ANKRD11: variants seen among roughly 807,000 people sequenced by gnomAD.
The protein encoded by ANKRD11 is ankyrin repeat domain-containing protein 11.
Under a neutral mutation model 195.7 loss-of-function variants are expected in ANKRD11, and 17 were observed. The ratio of observed to expected loss-of-function variants is 0.09; its 90% CI spans 0.06 to 0.13. The LOEUF (loss-of-function observed/expected upper bound fraction) is 0.13, where lower values mean the gene tolerates loss of function less well. Among genes scored for constraint, ANKRD11 ranks in the 10% least tolerant of loss-of-function variants. The probability of loss-of-function intolerance (pLI) is 1.00; values close to 1 mark genes in which losing one functional copy is unlikely to be tolerated. For synonymous variants in ANKRD11, 1,953 were observed against 1,528.1 expected (o/e 1.28, Z -6.49); for missense variants, 3,735 against 3,566.1 (o/e 1.05, Z -1.21).
chr16:89,281,161 T>G lies in ANKRD11; in HGVS notation c.5381A>C (p.Asp1794Ala). ...STNLYRSVSVDIRRTPEEEFS... is the reference protein window; with the variant it reads ...STNLYRSVSVAIRRTPEEEFS... ...TTCTTCCTCGGGGGTCCTCCTAATG[T>G]CGACAGAGACCGAGCGGTAAAGGTT... Residue 1794 changes from aspartate to alanine, a missense_variant, in exon 9 of 13, where the codon GAC becomes GCC. By Grantham distance (126) the Asp-to-Ala change is moderately radical. Coordinates refer to ENST00000301030, the MANE Select transcript of ANKRD11 (RefSeq NM_013275.6). This position sits in a 1 kb window ranked among gnomAD's most constrained non-coding sequence, Gnocchi z 5.5. 6.2e-7 allele frequency: 1 copy of G among 1,614,024 alleles called. No individual in the cohort carries two copies. Among genetic ancestry groups the G allele is most frequent in the Non-Finnish European group, 8.5e-7 (1 of 1,179,982 alleles).
chr16:89,285,429 G>A lies in ANKRD11; in HGVS notation c.1113C>T (p.Tyr371=), dbSNP rs1231697677. 3 of 1,614,042 alleles carry A rather than the reference G, an allele frequency of 1.9e-6. No individual in the cohort carries two copies. The highest frequency in any genetic ancestry group is 2.5e-6 in the Non-Finnish European group (3 of 1,180,042). Residue 371 remains tyrosine, a synonymous_variant, in exon 9 of 13, where the codon TAC becomes TAT. Coordinates refer to ENST00000301030, the MANE Select transcript of ANKRD11 (RefSeq NM_013275.6). The surrounding 1 kb of genome is among the most constrained non-coding windows in gnomAD (Gnocchi z 5.6). Reference sequence around the variant, plus strand: ...AACTATTGGATTTCGTTTCTTTTCTGTAGTCCTTTTTCAATAGGTGCTTGT... The same window carrying A: ...AACTATTGGATTTCGTTTCTTTTCTATAGTCCTTTTTCAATAGGTGCTTGT... ...VDDKHLLKKD[Y]RKETKSNSFI...
At chr16:89,321,400 G>A (rs980310677) in intron 2 of ANKRD11, among the ~76,000 whole-genome samples, 1 of 146,152 alleles carries the variant, frequency 6.8e-6, no homozygotes, top group African/African-American at 2.5e-5. Flanking sequence ...TGCAGGGCGG[G>A]ACTGTGGGGA....
intron 1 of ANKRD11, among the ~76,000 whole-genome samples, chr16:89,477,299 T>C (rs1391636428): frequency 1.3e-5 from 2 of 151,966 alleles, no homozygotes; most frequent in Non-Finnish European, 2.9e-5. Context: ...TTCAAGCGAT[T>C]CTCCTGCCTC....
chr16:89,296,423 G>C (rs1255185883), intron 4 of ANKRD11, among the ~76,000 whole-genome samples: 2 of 152,034 alleles, frequency 1.3e-5, no homozygotes, highest in Admixed American at 1.3e-4. Flanking sequence ...TTCTTTCTGT[G>C]CTCCAGAGTC....
intron 1 of ANKRD11, among the ~76,000 whole-genome samples, chr16:89,441,171 G>A (rs1403168183): frequency 6.6e-6 from 1 of 151,808 alleles, no homozygotes; most frequent in Non-Finnish European, 1.5e-5. Context: ...GAGAGGCAGA[G>A]ATCGCAGTGA....
At chr16:89,417,566 G>A (rs1297662887) in intron 2 of ANKRD11, among the ~76,000 whole-genome samples, 1 of 152,132 alleles carries the variant, frequency 6.6e-6, no homozygotes, top group Non-Finnish European at 1.5e-5. Flanking sequence ...CAAGGAGTCA[G>A]GGCTGGCGAA....
chr16:89,388,161 G>A (rs1282707371), intron 2 of ANKRD11, among the ~76,000 whole-genome samples: 1 of 152,076 alleles, frequency 6.6e-6, no homozygotes, highest in Non-Finnish European at 1.5e-5. Flanking sequence ...TAACCACAGT[G>A]AAATTATCTA....
At chr16:89,343,487 G>T (rs933809454) in intron 2 of ANKRD11, among the ~76,000 whole-genome samples, 1 of 152,212 alleles carries the variant, frequency 6.6e-6, no homozygotes, top group Non-Finnish European at 1.5e-5. Flanking sequence ...AACACATAAT[G>T]TATGTGTGAG....
Position 89,291,277 on chromosome 16 carries a change from G to A in ANKRD11, c.227-94C>T, listed in dbSNP as rs756516308. 1.6e-5 allele frequency: 24 copies of A among 1,472,110 alleles called. No individual in the cohort carries two copies. Among genetic ancestry groups the A allele is most frequent in the African/African-American group, 4.2e-5 (3 of 71,816 alleles). 91.2% of individuals were successfully genotyped at this position (1,472,110 alleles called of 1,614,324 possible). A position where few individuals can be genotyped will look rare whatever the true frequency, so the allele number is the denominator to read the frequency against. On this transcript the variant is annotated intron_variant, in intron 4 of 12. Coordinates refer to ENST00000301030, the MANE Select transcript of ANKRD11 (RefSeq NM_013275.6). This position sits in a 1 kb window ranked among gnomAD's most constrained non-coding sequence, Gnocchi z 5.3. ...TACCTAATGTTACGGAGCCCCCTGC[G>A]TCCACCTGACAGCTGACAGAGCAGA...
intron 2 of ANKRD11, among the ~76,000 whole-genome samples, chr16:89,379,325 T>C (rs1396192518): frequency 1.3e-5 from 2 of 152,350 alleles, no homozygotes; most frequent in Admixed American, 1.3e-4. Flanking sequence ...AACAATTTTA[T>C]AAAATAATTT....
At chr16:89,309,713 C>A (rs1451327777) in intron 3 of ANKRD11, among the ~76,000 whole-genome samples, 1 of 152,186 alleles carries the variant, frequency 6.6e-6, no homozygotes, top group Non-Finnish European at 1.5e-5. Context: ...CTGTTTCGGC[C>A]CCTCTAACCT....
intron 12 of ANKRD11, among the ~76,000 whole-genome samples, chr16:89,268,924 TGCC>T (rs2032879782): frequency 6.6e-6 from 1 of 152,212 alleles, no homozygotes; most frequent in Admixed American, 6.5e-5. Context: ...CCGGGGGCCC[TGCC>T]CTGCTCTGGG....
Position 89,280,229 on chromosome 16 carries a change from C to G in ANKRD11, c.6313G>C (p.Gly2105Arg). Residue 2105 changes from glycine (G) to arginine (R), a missense_variant, in exon 9 of 13, where the codon GGC becomes CGC. Physicochemically the swap from Gly to Arg is moderately radical, Grantham distance 125. Coordinates refer to ENST00000301030, the MANE Select transcript of ANKRD11 (RefSeq NM_013275.6). ...CCGAGGTGAGACAGGCCGCGGCTGCCGTCCAGGAAGCTATTTTCCAGGGGC... is the reference window on the plus strand; with the variant it reads ...CCGAGGTGAGACAGGCCGCGGCTGCGGTCCAGGAAGCTATTTTCCAGGGGC... ...LGPLENSFLDGSRGLSHLGQV... is the reference protein window; with the variant it reads ...LGPLENSFLDRSRGLSHLGQV... 3 of 1,608,104 alleles carry G rather than the reference C, an allele frequency of 1.9e-6. No individual in the cohort carries two copies. Among genetic ancestry groups the G allele is most frequent in the Non-Finnish European group, 1.7e-6 (2 of 1,179,400 alleles).
chr16:89,327,971 C>A lies in ANKRD11; in HGVS notation c.-59-10893G>T, dbSNP rs151103607. ...ACAAACTGCAGACAGGGAAAAATAT[C>A]TGCAAATCACAAGTCAGATAGCAGG... On this transcript the variant is annotated intron_variant, in intron 2 of 12. Transcript: ENST00000301030. Among the ~76,000 whole-genome samples the A allele has an allele frequency of 6.4e-3, 977 of 152,318 alleles. 2 individuals are homozygous for A. The highest frequency in any genetic ancestry group is 0.01 in the Non-Finnish European group (690 of 68,028).
chr16:89,312,973 G>T lies in ANKRD11; in HGVS notation c.87+3960C>A, dbSNP rs2036694203. Among the ~76,000 whole-genome samples, 3 of 152,104 alleles carry T rather than the reference G, an allele frequency of 2.0e-5. No homozygotes were observed. In the South Asian group the frequency reaches 6.2e-4, roughly 32 times the overall value. ...TGTGAGTCTGTAACTGGCACAGACT[G>T]GGGGGGTTTCTGCTGAGACTCGCTG... On this transcript the variant is annotated intron_variant, in intron 3 of 12. Transcript: ENST00000301030.
chr16:89,477,262 G>A (rs551864454), intron 1 of ANKRD11, among the ~76,000 whole-genome samples: 31 of 150,540 alleles, frequency 2.1e-4, no homozygotes, highest in Non-Finnish European at 1.0e-4. Flanking sequence ...GCGCCATCTC[G>A]GCTCACTGCA....
At position 89,274,852 on chromosome 16, in the gene ANKRD11, G is replaced by A. The variant is rs1352458699; in HGVS notation, c.7675C>T (p.Leu2559=). The change falls in exon 11 of 13, where the codon CTG becomes TTG. Residue 2559 remains leucine (L), a synonymous_variant. Coordinates refer to ENST00000301030, the MANE Select transcript of ANKRD11 (RefSeq NM_013275.6). ...GGCATGTTGTAGACCTCGGAGTCCA[G>A]CAGCATCGTGCAGGCGCTGAATGGC... ...AVPFSACTML[L]DSEVYNMPLE... 3.1e-6 allele frequency: 5 copies of A among 1,612,768 alleles called. No homozygotes were observed. Among genetic ancestry groups the A allele is most frequent in the Non-Finnish European group, 4.2e-6 (5 of 1,179,884 alleles).
intron 11 of ANKRD11, chr16:89,271,615 A>T: frequency 6.4e-6 from 1 of 156,412 alleles, no homozygotes; most frequent in East Asian, 1.9e-4. Flanking sequence ...CTTTCCACAA[A>T]GGTGCCAAGA....
chr16:89,294,832 G>T (rs564659855), intron 4 of ANKRD11, among the ~76,000 whole-genome samples: 2 of 152,182 alleles, frequency 1.3e-5, no homozygotes, highest in African/African-American at 4.8e-5. Flanking sequence ...CCTGAGAAAC[G>T]CTCCTCTGAG....
Sources: gnomAD v4.1 joint callset for allele counts (sites outside exome capture counted in the v4.1 genomes callset) on GRCh38, gnomAD v4.1.1 for gene constraint, Gnocchi (gnomAD v3.1) non-coding constraint, MANE v1.5 for transcripts, NCBI Gene and HGNC (gene_info 2026-07-23, HGNC 2026-07-21) for gene names.